Variants in SLC66A2 observed in about 807,000 individuals in gnomAD.
The protein encoded by SLC66A2 is solute carrier family 66 member 2.
Under a neutral mutation model 25.5 loss-of-function variants are expected in SLC66A2, and 23 were observed. The observed-to-expected ratio is 0.90, with a 90% CI of 0.65 to 1.28. The LOEUF is 1.28. SLC66A2 is among the 50% of genes most tolerant of loss of function. The pLI, the probability that SLC66A2 is intolerant of heterozygous loss-of-function variation, is 0.00. For missense variants in SLC66A2, 396 were observed against 373.1 expected (o/e 1.06, Z -0.51); for synonymous variants, 193 against 166.5 (o/e 1.16, Z -1.23).
chr18:79,911,577 G>A (rs1983123405), intron 5 of SLC66A2, among the ~76,000 whole-genome samples: 1 of 152,264 alleles, frequency 6.6e-6, no homozygotes, highest in South Asian at 2.1e-4. Flanking sequence ...GGCAGCTGCA[G>A]GCACGGAGCC....
Position 79,903,723 on chromosome 18 carries a change from T to C in SLC66A2, c.*253A>G, listed in dbSNP as rs552136493. The C allele has an allele frequency of 2.8e-3, 1,428 of 513,584 alleles. 16 individuals carry two copies. Among genetic ancestry groups the C allele is most frequent in the Middle Eastern group, 8.8e-3 (18 of 2,038 alleles). 31.8% of individuals were successfully genotyped at this position (513,584 alleles called of 1,614,324 possible). ...GGAAATGGGGAAAACACTTGCTTTT[T>C]ATGTCATCCTAAAAACATCCAAAAC... On this transcript the variant is annotated 3_prime_UTR_variant, in exon 6 of 6. Transcript: ENST00000397778.
intron 5 of SLC66A2, 63 bp downstream of exon 5, chr18:79,919,121 A>G (rs1443461468): frequency 6.9e-7 from 1 of 1,447,872 alleles, no homozygotes; most frequent in African/African-American, 1.4e-5. Flanking sequence ...GATTTTTACC[A>G]AATCTGCAGC....
chr18:79,943,282 T>G, intron 3 of SLC66A2, 47 bp downstream of exon 3: 1 of 1,568,482 alleles, frequency 6.4e-7, no homozygotes, highest in Middle Eastern at 1.7e-4. Flanking sequence ...CAGAGTCACC[T>G]ACGCCCTGAT....
Position 79,943,184 on chromosome 18 carries a change from G to A in SLC66A2, c.337+145C>T. 4 of 1,002,956 alleles carry A rather than the reference G, an allele frequency of 4.0e-6. No individual in the cohort carries two copies. In the South Asian group the frequency reaches 7.2e-5, roughly 18 times the overall value. 62.1% of individuals were successfully genotyped at this position (1,002,956 alleles called of 1,614,324 possible). Reference sequence around the variant, plus strand: ...TTTAACTGAAGTCATTTAACATACTGAAAACACTATCAGCTGGAGATAACA... The same window carrying A: ...TTTAACTGAAGTCATTTAACATACTAAAAACACTATCAGCTGGAGATAACA... On this transcript the variant is annotated intron_variant, in intron 3 of 5. Transcript: ENST00000397778.
chr18:79,923,848 G>C (rs765094353), intron 4 of SLC66A2, among the ~76,000 whole-genome samples: 1 of 152,112 alleles, frequency 6.6e-6, no homozygotes, highest in African/African-American at 2.4e-5. Context: ...AGGAGGTCTT[G>C]AACATCATGA....
chr18:79,938,253 G>A (rs1987304958), intron 3 of SLC66A2, among the ~76,000 whole-genome samples: 1 of 152,108 alleles, frequency 6.6e-6, no homozygotes, highest in Non-Finnish European at 1.5e-5. Flanking sequence ...CTACCTACTT[G>A]GTAAACGCTT....
At position 79,919,330 on chromosome 18, in the gene SLC66A2, C is replaced by A. The variant is rs372250799; in HGVS notation, c.462G>T (p.Thr154=). 1.2e-6 allele frequency: 2 copies of A among 1,613,268 alleles called. No individual in the cohort carries two copies. Among genetic ancestry groups the A allele is most frequent in the Non-Finnish European group, 1.7e-6 (2 of 1,180,024 alleles). ...GGTAGGTGATGTAGCCCGCCACGCC[C>A]GTGAAGGCCAGGACGCACTGCACGT... is the stretch of plus-strand genomic sequence containing the variant. ...SDYVQCVLAF[T]GVAGYITYLS... The change falls in exon 5 of 6, where the codon ACG becomes ACT. Residue 154 remains threonine, a synonymous_variant. Coordinates refer to ENST00000397778, the MANE Select transcript of SLC66A2 (RefSeq NM_025078.5).
rs1361204273 is a variant in SLC66A2, at chr18:79,950,825, G to A, written c.102C>T (p.Val34=). 1.2e-6 allele frequency: 2 copies of A among 1,612,624 alleles called. No homozygotes were observed. The highest frequency in any genetic ancestry group is 1.3e-5 in the African/African-American group (1 of 74,942). ...TCCTGCGAATGTCCCGATACTGCGG[G>A]ACGTAGGGCACCACCCCTCCGAAGA... is the stretch of plus-strand genomic sequence containing the variant. ...AMVFGGVVPY[V]PQYRDIRRTQ... Residue 34 remains valine (V), a synonymous_variant, in exon 2 of 6, where the codon GTC becomes GTT. Transcript: ENST00000397778.
chr18:79,939,287 C>T (rs1456279363), intron 3 of SLC66A2, among the ~76,000 whole-genome samples: 1 of 152,164 alleles, frequency 6.6e-6, no homozygotes, highest in Admixed American at 6.5e-5. Flanking sequence ...CATCGGTCTG[C>T]CAAGAATTGT....
intron 2 of SLC66A2, among the ~76,000 whole-genome samples, chr18:79,948,401 C>T (rs2051005394): frequency 6.6e-6 from 1 of 152,230 alleles, no homozygotes; most frequent in East Asian, 1.9e-4. Flanking sequence ...GTTGGCCAGA[C>T]TGGAGGACAG....
chr18:79,943,360 G>C lies in SLC66A2; in HGVS notation c.306C>G (p.Asn102Lys). The change falls in exon 3 of 6, where the codon AAC (asparagine) becomes AAG (lysine). Residue 102 changes from asparagine (N) to lysine (K), a missense_variant. Transcript: ENST00000397778. ...LKLCTEVRVA[N>K]ELNARRRSFT... ...AGGAGCGGCGCCTGGCGTTGAGCTC[G>C]TTGGCCACACGGACCTCGGTGCACA... 3 of 1,614,154 alleles carry C rather than the reference G, an allele frequency of 1.9e-6. No individual in the cohort carries two copies. Among genetic ancestry groups the C allele is most frequent in the Non-Finnish European group, 2.5e-6 (3 of 1,180,016 alleles).
At position 79,909,269 on chromosome 18, in the gene SLC66A2, G is replaced by A. The variant is rs188386325; in HGVS notation, c.609-5086C>T. On this transcript the variant is annotated intron_variant, in intron 5 of 5. Transcript: ENST00000397778. ...GTGCAACACTCAGAGACAAGACTGG[G>A]ACTTGAGCAGTCAACTGTCCACAAT... is the stretch of plus-strand genomic sequence containing the variant. Among the ~76,000 whole-genome samples, 739 of 152,296 alleles carry A rather than the reference G, an allele frequency of 4.9e-3. 4 individuals carry two copies. The highest frequency in any genetic ancestry group is 8.6e-3 in the Non-Finnish European group (585 of 68,022).
intron 5 of SLC66A2, among the ~76,000 whole-genome samples, chr18:79,913,328 T>C (rs1232276997): frequency 6.6e-6 from 1 of 152,214 alleles, no homozygotes; most frequent in Admixed American, 6.5e-5. Context: ...GCCCTCATCA[T>C]CTACACCCAC....
chr18:79,945,461 T>A (rs558309235), intron 2 of SLC66A2, among the ~76,000 whole-genome samples: 202 of 152,188 alleles, frequency 1.3e-3, no homozygotes, highest in African/African-American at 4.6e-3. Context: ...GCACACAAGC[T>A]GTACCTCCAG....
rs541006392 is a variant in SLC66A2, at chr18:79,947,926, G to T, written c.203+2798C>A. ...ACCGGGTGGGCACAAGAGGATGTGT[G>T]GTAGGTAGGGAGGTGGGCTTCGCTG... On this transcript the variant is annotated intron_variant, in intron 2 of 5. Transcript: ENST00000397778. Among the ~76,000 whole-genome samples the T allele has an allele frequency of 2.6e-5, 4 of 152,206 alleles. No individual in the cohort carries two copies. The South Asian group carries it at 8.3e-4, about 32-fold the overall frequency.
chr18:79,946,213 A>C (rs2050921385), intron 2 of SLC66A2, among the ~76,000 whole-genome samples: 1 of 148,344 alleles, frequency 6.7e-6, no homozygotes, highest in African/African-American at 2.5e-5. Context: ...GCCCGGGGAG[A>C]TAGTAAACTA....
Position 79,918,483 on chromosome 18 carries a change from G to GGA in SLC66A2, c.608+700_608+701insTC, listed in dbSNP as rs534444382. Among the ~76,000 whole-genome samples, 4 of 149,984 alleles carry GGA rather than the reference G, an allele frequency of 2.7e-5. No individual in the cohort carries two copies. Among genetic ancestry groups the GGA allele is most frequent in the African/African-American group, 5.0e-5 (2 of 39,886 alleles). ...GGTCCCCAGTGAGGAGCGGCACCGG[G>GGA]GGGTCCCCAGTGAGGAGCGGGCCTG... On this transcript the variant is annotated intron_variant, in intron 5 of 5. Coordinates refer to ENST00000397778, the MANE Select transcript of SLC66A2 (RefSeq NM_025078.5). The surrounding 1 kb of genome is among the most constrained non-coding windows in gnomAD (Gnocchi z 4.0).
intron 2 of SLC66A2, among the ~76,000 whole-genome samples, chr18:79,945,835 C>T (rs1036068761): frequency 6.6e-6 from 1 of 152,236 alleles, no homozygotes; most frequent in African/African-American, 2.4e-5. Context: ...CAGTCACTTC[C>T]AGGGCCGTTC....
intron 5 of SLC66A2, among the ~76,000 whole-genome samples, chr18:79,914,781 C>T (rs1235938693): frequency 2.0e-5 from 3 of 152,228 alleles, no homozygotes; most frequent in East Asian, 1.9e-4. Flanking sequence ...GCTTCAGACG[C>T]GCAAGTGGAG....
Sources: gnomAD v4.1 joint callset for allele counts (sites outside exome capture counted in the v4.1 genomes callset) on GRCh38, gnomAD v4.1.1 for gene constraint, Gnocchi (gnomAD v3.1) non-coding constraint, MANE v1.5 for transcripts, NCBI Gene and HGNC (gene_info 2026-07-23, HGNC 2026-07-21) for gene names.